MYO3B: variants seen among roughly 807,000 people sequenced by gnomAD.
MYO3B encodes myosin IIIB.
Under a neutral mutation model 174.6 loss-of-function variants are expected in MYO3B, and 156 were observed. That is an observed-to-expected ratio of 0.89 (90% CI 0.78 to 1.02). The LOEUF (loss-of-function observed/expected upper bound fraction) is 1.02, where lower values mean the gene tolerates loss of function less well. Ranked by LOEUF, MYO3B falls within the 50% of genes least tolerant of loss-of-function variation. The pLI, the probability that MYO3B is intolerant of heterozygous loss-of-function variation, is 0.00. For synonymous variants in MYO3B, 563 were observed against 569.1 expected (o/e 0.99, Z 0.15); for missense variants, 1,632 against 1,639.4 (o/e 1.00, Z 0.08).
Position 170,382,128 on chromosome 2 carries a change from TAG to T in MYO3B, c.1068+18_1068+19del. 1 of 1,591,116 alleles carries T rather than the reference TAG, an allele frequency of 6.3e-7. No homozygotes were observed. Among genetic ancestry groups the T allele is most frequent in the Non-Finnish European group, 8.6e-7 (1 of 1,159,690 alleles). On this transcript the variant is annotated intron_variant, in intron 10 of 34. Coordinates refer to ENST00000408978, the MANE Select transcript of MYO3B (RefSeq NM_138995.5). The stretch of plus-strand genomic sequence containing the variant: ...TCTGGATGAGGTACTAAATATTTAG[TAG>T]ACAATTCTCATTGAAGACATTTGTT...
intron 33 of MYO3B, among the ~76,000 whole-genome samples, 164 bp from the exon 34 acceptor site, chr2:170,651,944 A>T (rs981691990): frequency 1.4e-5 from 2 of 143,732 alleles, no homozygotes; most frequent in African/African-American, 5.2e-5. Context: ...GACGAGCAAG[A>T]TGCATGCTTC....
chr2:170,236,211 T>C, intron 7 of MYO3B, 75 bp downstream of exon 7: 1 of 1,577,544 alleles, frequency 6.3e-7, no homozygotes, highest in Non-Finnish European at 8.6e-7. Flanking sequence ...ATAAATAGTT[T>C]GCAAGCAATT....
chr2:170,210,368 G>A (rs1396378254), intron 3 of MYO3B, among the ~76,000 whole-genome samples: 1 of 152,142 alleles, frequency 6.6e-6, no homozygotes, highest in Non-Finnish European at 1.5e-5. Context: ...ACATTTCCAT[G>A]CCTTCTTGTA....
intron 22 of MYO3B, among the ~76,000 whole-genome samples, chr2:170,416,522 C>CAA (rs1209503137): frequency 2.9e-3 from 176 of 59,838 alleles, no homozygotes; most frequent in African/African-American, 9.4e-3. Flanking sequence ...GACTCCGTCT[C>CAA]AAAAAAAAAA....
chr2:170,572,322 G>A (rs376795161), intron 32 of MYO3B, among the ~76,000 whole-genome samples: 15 of 152,118 alleles, frequency 9.9e-5, no homozygotes, highest in African/African-American at 3.4e-4. Context: ...CAGCTACTCA[G>A]GAGGCTGAGG....
At chr2:170,191,404 C>G (rs2092538508) in intron 1 of MYO3B, among the ~76,000 whole-genome samples, 1 of 152,044 alleles carries the variant, frequency 6.6e-6, no homozygotes, top group African/African-American at 2.4e-5. Flanking sequence ...AGGACTTGCC[C>G]AGGAATTGCA....
At chr2:170,489,136 A>G (rs1411100906) in intron 25 of MYO3B, among the ~76,000 whole-genome samples, 1 of 152,230 alleles carries the variant, frequency 6.6e-6, no homozygotes, top group African/African-American at 2.4e-5. Flanking sequence ...AAGACCTGGT[A>G]AGCCTCAGAT....
At chr2:170,628,951 C>T (rs1381315684) in intron 32 of MYO3B, among the ~76,000 whole-genome samples, 1 of 152,098 alleles carries the variant, frequency 6.6e-6, no homozygotes, top group Non-Finnish European at 1.5e-5. Context: ...TGTAGGCACA[C>T]TTACATCCTA....
chr2:170,202,907 C>A (rs530768054), intron 3 of MYO3B, among the ~76,000 whole-genome samples: 1 of 152,150 alleles, frequency 6.6e-6, no homozygotes, highest in Admixed American at 6.5e-5. Context: ...CAGAGCAATT[C>A]TAGAGGATAG....
At chr2:170,543,023 A>G in intron 31 of MYO3B, 57 bp downstream of exon 31, 5 of 1,399,474 alleles carry the variant, frequency 3.6e-6, no homozygotes, top group Admixed American at 1.8e-5. Flanking sequence ...GACTCATCCA[A>G]GTTCATAGGC....
At chr2:170,394,282 C>T (rs928359467) in intron 16 of MYO3B, among the ~76,000 whole-genome samples, 1 of 152,098 alleles carries the variant, frequency 6.6e-6, no homozygotes, top group African/African-American at 2.4e-5. Flanking sequence ...ATTGCAACCT[C>T]AGGCTTAGGT....
intron 23 of MYO3B, among the ~76,000 whole-genome samples, chr2:170,461,905 A>C (rs751943417): frequency 1.7e-4 from 26 of 152,258 alleles, no homozygotes; most frequent in Non-Finnish European, 3.5e-4. Context: ...CAGAATTTAC[A>C]ATTTAGCCAA....
rs183613645 is a variant in MYO3B, at chr2:170,491,640, C to T, written c.3015-6952C>T. ...CGGGGTTTCACCCCCTTAGCCAGGA[C>T]GGTCTCAATCTCCTGACCTCGTGAT... On this transcript the variant is annotated intron_variant, in intron 25 of 34. Transcript: ENST00000408978. 6.1e-3 allele frequency among the ~76,000 whole-genome samples: 926 copies of T among 152,270 alleles called. 2 individuals are homozygous for T. Among genetic ancestry groups the T allele is most frequent in the Non-Finnish European group, 8.3e-3 (567 of 68,014 alleles).
At chr2:170,424,031 T>C (rs1357157929) in intron 22 of MYO3B, among the ~76,000 whole-genome samples, 3 of 152,210 alleles carry the variant, frequency 2.0e-5, no homozygotes, top group Non-Finnish European at 4.4e-5. Context: ...AAGATTTCCA[T>C]GACCAAAAAG....
At chr2:170,608,036 C>T (rs1694920037) in intron 32 of MYO3B, among the ~76,000 whole-genome samples, 1 of 152,140 alleles carries the variant, frequency 6.6e-6, no homozygotes, top group Non-Finnish European at 1.5e-5. Context: ...AGACAAAATC[C>T]AGAAATGCTT....
chr2:170,378,147 G>A (rs970317234), intron 9 of MYO3B, among the ~76,000 whole-genome samples: 5 of 152,064 alleles, frequency 3.3e-5, no homozygotes, highest in African/African-American at 7.2e-5. Flanking sequence ...ACAACGTAAC[G>A]CTTTTTATAA....
chr2:170,312,905 A>G (rs994420344), intron 7 of MYO3B, among the ~76,000 whole-genome samples: 2 of 152,184 alleles, frequency 1.3e-5, no homozygotes, highest in African/African-American at 2.4e-5. Flanking sequence ...TTTCACCTAC[A>G]TACCTGCAAA....
intron 14 of MYO3B, among the ~76,000 whole-genome samples, chr2:170,389,355 G>A (rs1044398838): frequency 2.0e-5 from 3 of 152,204 alleles, no homozygotes; most frequent in African/African-American, 7.2e-5. Context: ...CTGGCACAGT[G>A]TAAGATGGGG....
intron 25 of MYO3B, among the ~76,000 whole-genome samples, chr2:170,489,908 T>C (rs1686348315): frequency 6.6e-6 from 1 of 152,166 alleles, no homozygotes; most frequent in Non-Finnish European, 1.5e-5. Context: ...TCTTTAACTT[T>C]TTTTAGCCAA....
Sources: allele counts gnomAD v4.1 joint callset (sites outside exome capture counted in the v4.1 genomes callset), GRCh38; gene constraint gnomAD v4.1.1; transcripts MANE v1.5; gene names NCBI Gene and HGNC (gene_info 2026-07-23, HGNC 2026-07-21).